Variants in CNTN5 observed in about 807,000 individuals in gnomAD.
CNTN5 encodes contactin-5.
CNTN5 carries 77 observed loss-of-function variants against 129.1 expected under a neutral mutation model. The ratio of observed to expected loss-of-function variants is 0.60; its 90% confidence interval spans 0.50 to 0.72. The LOEUF (loss-of-function observed/expected upper bound fraction) is 0.72, where lower values mean the gene tolerates loss of function less well. Ranked by LOEUF, CNTN5 falls within the 30% of genes least tolerant of loss-of-function variation. The probability of loss-of-function intolerance (pLI) is 0.00; values close to 1 mark genes in which losing one functional copy is unlikely to be tolerated. For synonymous variants in CNTN5, 509 were observed against 465.6 expected (o/e 1.09, Z -1.20); for missense variants, 1,478 against 1,328.8 (o/e 1.11, Z -1.75).
At chr11:99,138,219 G>A (rs570840547) in intron 1 of CNTN5, among the ~76,000 whole-genome samples, 12 of 152,068 alleles carry the variant, frequency 7.9e-5, no homozygotes, top group Middle Eastern at 3.4e-3. Context: ...ATAGGTGTTA[G>A]GTGTTTCTAT....
chr11:99,323,404 G>A (rs1865651252), intron 1 of CNTN5, among the ~76,000 whole-genome samples: 1 of 152,054 alleles, frequency 6.6e-6, no homozygotes, highest in Non-Finnish European at 1.5e-5. Flanking sequence ...GAAGGAATTG[G>A]AAAATGACAA....
chr11:100,070,529 G>C lies in CNTN5; in HGVS notation c.1268G>C (p.Trp423Ser). 6.2e-7 allele frequency: 1 copy of C among 1,613,068 alleles called. No homozygotes were observed. The highest frequency in any genetic ancestry group is 8.5e-7 in the Non-Finnish European group (1 of 1,179,468). Residue 423 changes from tryptophan to serine, a missense_variant, in exon 11 of 25, where the codon TGG becomes TCG. Transcript: ENST00000524871. Reference sequence around the variant, plus strand: ...GGAAAACCCAGACCCACGTATCGTTGGCTGAAGAATGGAGTACCCCTCTCA... The same window carrying C: ...GGAAAACCCAGACCCACGTATCGTTCGCTGAAGAATGGAGTACCCCTCTCA... ...ATGKPRPTYR[W>S]LKNGVPLSPQ...
rs1376442503 is a variant in CNTN5 at position 99,783,213 on chromosome 11, GA to G, written c.56-36325del. On this transcript the variant is annotated intron_variant, in intron 3 of 24. Coordinates refer to ENST00000524871, the MANE Select transcript of CNTN5 (RefSeq NM_014361.4). ...ACATTTATGCAGCCAAAAAACACAT[GA>G]AAAAATGCCCATCATCACTGGCCAT... Among the ~76,000 whole-genome samples, 3 of 104,186 alleles carry G rather than the reference GA, an allele frequency of 2.9e-5. No individual in the cohort carries two copies. In the East Asian group the frequency reaches 9.0e-4, roughly 31 times the overall value. The allele number at this position is 104,186 out of a possible 152,430, so 68.4% of individuals were successfully genotyped here.
At chr11:99,869,048 C>T (rs1948431428) in intron 6 of CNTN5, among the ~76,000 whole-genome samples, 1 of 152,078 alleles carries the variant, frequency 6.6e-6, no homozygotes, top group Non-Finnish European at 1.5e-5. Context: ...TGATTCAGCC[C>T]CACTTATTAT....
intron 15 of CNTN5, among the ~76,000 whole-genome samples, chr11:100,202,501 C>T (rs1027245101): frequency 6.6e-6 from 1 of 150,476 alleles, no homozygotes; most frequent in African/African-American, 2.4e-5. Context: ...ATCTCCTGCC[C>T]CTTTGCCAGA....
At chr11:100,246,809 C>T (rs1020121972) in intron 16 of CNTN5, among the ~76,000 whole-genome samples, 24 of 152,064 alleles carry the variant, frequency 1.6e-4, no homozygotes, top group African/African-American at 5.3e-4. Flanking sequence ...ATTAAGTCAA[C>T]GACTACACTA....
chr11:99,598,285 T>C (rs1565335384), intron 3 of CNTN5, among the ~76,000 whole-genome samples: 61 of 6,400 alleles, frequency 9.5e-3, no homozygotes, highest in Middle Eastern at 0.083. Flanking sequence ...TTTTCTTTTC[T>C]TTTCTTTTCT....
intron 1 of CNTN5, among the ~76,000 whole-genome samples, chr11:99,284,624 T>C (rs1341623263): frequency 8.2e-6 from 1 of 121,696 alleles, no homozygotes; most frequent in Non-Finnish European, 1.9e-5. Flanking sequence ...TGTGTGTGTG[T>C]GTGTGTGTGT....
rs538622608 is a variant in CNTN5, at chr11:100,126,475, T to C, written c.1580+52181T>C. On this transcript the variant is annotated intron_variant, in intron 13 of 24. Transcript: ENST00000524871. ...ATGAATCTGGGTGCTCAGGTTCATATATATTTAGGATAGCTAACTCTTCTT... is the reference window on the plus strand; with the variant it reads ...ATGAATCTGGGTGCTCAGGTTCATACATATTTAGGATAGCTAACTCTTCTT... Among the ~76,000 whole-genome samples, 88 of 152,266 alleles carry C rather than the reference T, an allele frequency of 5.8e-4. 1 individual carries two copies. Among genetic ancestry groups the C allele is most frequent in the African/African-American group, 2.0e-3 (84 of 41,570 alleles).
chr11:100,235,784 G>C (rs1949600896), intron 16 of CNTN5, among the ~76,000 whole-genome samples: 1 of 152,120 alleles, frequency 6.6e-6, no homozygotes, highest in Non-Finnish European at 1.5e-5. Context: ...GTTGTCCCAT[G>C]ATGAATGCCC....
At chr11:99,616,471 A>G (rs1474434982) in intron 3 of CNTN5, among the ~76,000 whole-genome samples, 1 of 152,224 alleles carries the variant, frequency 6.6e-6, no homozygotes, top group Non-Finnish European at 1.5e-5. Context: ...ACTATGATAG[A>G]AATTGCTATG....
chr11:99,945,497 T>TGTGTGC (rs1247231439), intron 7 of CNTN5, among the ~76,000 whole-genome samples: 1 of 133,242 alleles, frequency 7.5e-6, no homozygotes, highest in Non-Finnish European at 1.7e-5. Context: ...TGCGTGTGTG[T>TGTGTGC]GTGTGTGTGT....
chr11:99,061,358 G>C (rs1864868398), intron 1 of CNTN5, among the ~76,000 whole-genome samples: 1 of 152,158 alleles, frequency 6.6e-6, no homozygotes, highest in Non-Finnish European at 1.5e-5. Flanking sequence ...TGGGATGGCA[G>C]TATGTGGAAA....
At chr11:99,870,049 A>G (rs999397497) in intron 6 of CNTN5, among the ~76,000 whole-genome samples, 3 of 152,102 alleles carry the variant, frequency 2.0e-5, no homozygotes, top group African/African-American at 7.2e-5. Context: ...AGGCACACTA[A>G]TACATGATTT....
At chr11:100,074,394 G>C in intron 13 of CNTN5, 100 bp downstream of exon 13, 1 of 1,036,776 alleles carries the variant, frequency 9.6e-7, no homozygotes, top group Non-Finnish European at 1.4e-6. Context: ...AGTACCGTGA[G>C]ACGTATTTTA....
intron 2 of CNTN5, among the ~76,000 whole-genome samples, chr11:99,417,047 C>T (rs548898818): frequency 1.3e-3 from 199 of 152,194 alleles, no homozygotes; most frequent in Non-Finnish European, 2.4e-3. Context: ...ACAACAAACG[C>T]AAATTGACTT....
chr11:99,613,422 C>G (rs966187128), intron 3 of CNTN5, among the ~76,000 whole-genome samples: 4 of 152,156 alleles, frequency 2.6e-5, no homozygotes, highest in Non-Finnish European at 4.4e-5. Context: ...GCCTCCCCAG[C>G]CGTGCTGAAC....
At chr11:99,630,378 C>G (rs899500861) in intron 3 of CNTN5, among the ~76,000 whole-genome samples, 3 of 151,842 alleles carry the variant, frequency 2.0e-5, no homozygotes, top group African/African-American at 7.3e-5. Context: ...AGGAGACTTT[C>G]CTTTAGTCTA....
intron 3 of CNTN5, among the ~76,000 whole-genome samples, chr11:99,754,532 T>G (rs907836955): frequency 1.3e-5 from 2 of 152,210 alleles, no homozygotes; most frequent in African/African-American, 2.4e-5. Flanking sequence ...ACAGAGACAA[T>G]TACCTCCTAA....
Sources: allele counts gnomAD v4.1 joint callset (sites outside exome capture counted in the v4.1 genomes callset), GRCh38; gene constraint gnomAD v4.1.1; transcripts MANE v1.5; gene names NCBI Gene and HGNC (gene_info 2026-07-23, HGNC 2026-07-21).